VPS13D: variants seen among roughly 807,000 people sequenced by gnomAD.
The protein encoded by VPS13D is intermembrane lipid transfer protein VPS13D.
Under a neutral mutation model 461.9 loss-of-function variants are expected in VPS13D, and 187 were observed. The ratio of observed to expected loss-of-function variants is 0.40; its 90% confidence interval spans 0.36 to 0.46. The LOEUF (loss-of-function observed/expected upper bound fraction) is 0.46, where lower values mean the gene tolerates loss of function less well. Among genes scored for constraint, VPS13D ranks in the 20% least tolerant of loss-of-function variants. The pLI, the probability that VPS13D is intolerant of heterozygous loss-of-function variation, is 0.60. For synonymous variants in VPS13D, 1,951 were observed against 1,986.3 expected, an observed-to-expected ratio of 0.98 and a Z score of 0.47; for missense variants, 4,711 against 5,364.9, an observed-to-expected ratio of 0.88 and a Z score of 3.81.
In VPS13D at chr1:12,484,331, C is replaced by A. The variant is rs369992776; in HGVS notation, c.12663-13169C>A. On this transcript the variant is annotated intron_variant, in intron 67 of 69. Coordinates refer to ENST00000620676, the MANE Select transcript of VPS13D (RefSeq NM_015378.4). ...GTTGATACATGGGCTAGGTTTCCTA[C>A]AGAGTCACTTCAAGGATGTAGATCT... Among the ~76,000 whole-genome samples, 160 of 152,342 alleles carry A rather than the reference C, an allele frequency of 1.1e-3. 1 individual carries two copies. The East Asian group carries it at 0.026, about 25-fold the overall frequency.
chr1:12,402,254 C>T (rs1644591173), intron 62 of VPS13D, among the ~76,000 whole-genome samples: 1 of 152,146 alleles, frequency 6.6e-6, no homozygotes, highest in Admixed American at 6.5e-5. Context: ...GTAAGATAAG[C>T]TATTGAAAAG....
intron 2 of VPS13D, among the ~76,000 whole-genome samples, chr1:12,236,915 T>G (rs1640166233): frequency 6.6e-6 from 1 of 152,134 alleles, no homozygotes; most frequent in African/African-American, 2.4e-5. Context: ...TTCTGAGGAC[T>G]AAGAAATTAA....
rs979704198 is a variant in VPS13D at position 12,475,895 on chromosome 1, AAAAAAAC to A, written c.12662+15513_12662+15519del. ...GGCCAAGAAATCAATGTTTAAAAAA[AAAAAAAC>A]AAAAAACAAAAAAACACCTTGACAG... On this transcript the variant is annotated intron_variant, in intron 67 of 69. Coordinates refer to ENST00000620676, the MANE Select transcript of VPS13D (RefSeq NM_015378.4). Among the ~76,000 whole-genome samples, 38 of 152,336 alleles carry A rather than the reference AAAAAAAC, an allele frequency of 2.5e-4. 1 individual carries two copies. The highest frequency in any genetic ancestry group is 7.8e-4 in the Admixed American group (12 of 15,304).
chr1:12,398,808 T>C lies in VPS13D; in HGVS notation c.11635-1373T>C, dbSNP rs1284909370. Among the ~76,000 whole-genome samples, 3 of 152,242 alleles carry C rather than the reference T, an allele frequency of 2.0e-5. No individual in the cohort carries two copies. The East Asian group carries it at 5.8e-4, about 29-fold the overall frequency. On this transcript the variant is annotated intron_variant, in intron 60 of 69. Coordinates refer to ENST00000620676, the MANE Select transcript of VPS13D (RefSeq NM_015378.4). ...ATTTGGTAGCCATTTGAGCTCCTGG[T>C]TCTCTAATTTAAATTGTCTTGAAGG... is the stretch of plus-strand genomic sequence containing the variant.
At chr1:12,456,656 A>AAAAAG in intron 66 of VPS13D, among the ~76,000 whole-genome samples, 1 of 149,888 alleles carries the variant, frequency 6.7e-6, no homozygotes, top group South Asian at 2.1e-4. Flanking sequence ...AAAAAAAAAA[A>AAAAAG]AAAAGAAAAG....
In VPS13D at chr1:12,401,619, C is replaced by G. The variant is rs144680112; in HGVS notation, c.11796C>G (p.Ile3932Met). The change falls in exon 62 of 70, where the codon ATC becomes ATG. Residue 3932 changes from isoleucine (I) to methionine (M), a missense_variant. Ile to Met is a conservative substitution (Grantham distance 10, BLOSUM62 1). Around this residue, in one of 3 missense-constraint regions of VPS13D, gnomAD observed 4,411 missense variants for 4,937.8 expected, o/e 0.89. Transcript: ENST00000620676. ...ALTNIYKHLMITAQRFTVQIE... is the reference protein window; with the variant it reads ...ALTNIYKHLMMTAQRFTVQIE... ...TTCTTTATCTCTAGCATCTGATGAT[C>G]ACAGCTCAGAGATTCACAGTGCAAA... is the stretch of plus-strand genomic sequence containing the variant. The G allele has an allele frequency of 6.2e-7, 1 of 1,611,448 alleles. No homozygotes were observed. The highest frequency in any genetic ancestry group is 8.5e-7 in the Non-Finnish European group (1 of 1,177,924).
intron 54 of VPS13D, among the ~76,000 whole-genome samples, chr1:12,371,378 C>T (rs948960862): frequency 6.6e-6 from 1 of 150,816 alleles, no homozygotes; most frequent in African/African-American, 2.4e-5. Flanking sequence ...TAGCATGTGG[C>T]AATGCTTCAT....
At position 12,511,595 on chromosome 1, in the gene VPS13D, A is replaced by C. The variant is rs1472870622; in HGVS notation, c.*2571A>C. On this transcript the variant is annotated 3_prime_UTR_variant, in exon 70 of 70. Transcript: ENST00000620676. This position sits in a 1 kb window ranked among gnomAD's most constrained non-coding sequence, Gnocchi z 4.5. ...GTTCGTCTCTGAGGAAAGTAAAATA[A>C]ATGGAATAAGAGTAAATTGGGTAAG... is the stretch of plus-strand genomic sequence containing the variant. 2.0e-5 allele frequency: 3 copies of C among 152,232 alleles called. No homozygotes were observed. The allele number at this position is 152,232 out of a possible 1,614,324, so 9.4% of individuals were successfully genotyped here. A position where few individuals can be genotyped will look rare whatever the true frequency, so the allele number is the denominator to read the frequency against.
Position 12,268,479 on chromosome 1 carries a change from G to A in VPS13D, c.1802-227G>A, listed in dbSNP as rs576533992. 3.3e-5 allele frequency among the ~76,000 whole-genome samples: 5 copies of A among 152,018 alleles called. No individual in the cohort carries two copies. In the South Asian group the frequency reaches 1.0e-3, roughly 32 times the overall value. ...AACCTTGCAGGGTCTTCAGGTCCTT[G>A]GTTTCCATGATATGGGAGCTAATAC... is the stretch of plus-strand genomic sequence containing the variant. On this transcript the variant is annotated intron_variant, in intron 15 of 69. Transcript: ENST00000620676.
At position 12,267,867 on chromosome 1, in the gene VPS13D, C is replaced by G; in HGVS notation, c.1748C>G (p.Ser583Ter). ...PNPQKEVGRV[S>*]QSFGLQTTSA... ...TAGCAAAAAGAAGTTGGCAGAGTCT[C>G]ACAATCTTTTGGTCTACAAACTACA... Residue 583 changes from serine (S) to a stop codon, truncating the protein, a stop_gained, in exon 15 of 70, where the codon TCA (serine) becomes TGA (stop). Coordinates refer to ENST00000620676, the MANE Select transcript of VPS13D (RefSeq NM_015378.4). LOFTEE classifies it high-confidence loss of function. 1 of 1,614,198 alleles carries G rather than the reference C, an allele frequency of 6.2e-7. No individual in the cohort carries two copies. Among genetic ancestry groups the G allele is most frequent in the Non-Finnish European group, 8.5e-7 (1 of 1,180,022 alleles).
chr1:12,234,259 A>T lies in VPS13D; in HGVS notation c.-8A>T. 1 of 1,602,094 alleles carries T rather than the reference A, an allele frequency of 6.2e-7. No homozygotes were observed. Among genetic ancestry groups the T allele is most frequent in the Admixed American group, 1.7e-5 (1 of 59,786 alleles). ...GATTTCTAAACACCTTTTCCTGAGG[A>T]TATAGTCATGTTGGAAGGCCTTGTA... On this transcript the variant is annotated 5_prime_UTR_variant, in exon 2 of 70. Transcript: ENST00000620676.
intron 67 of VPS13D, among the ~76,000 whole-genome samples, chr1:12,484,004 AAAAAAT>A (rs1442972983): frequency 7.2e-5 from 11 of 151,738 alleles, no homozygotes; most frequent in African/African-American, 2.4e-4. Flanking sequence ...CTCAAAAAAA[AAAAAAT>A]AAAAATAAGA....
Position 12,415,137 on chromosome 1 carries a change from G to A in VPS13D, c.12081G>A (p.Val4027=), listed in dbSNP as rs1232299322. The A allele has an allele frequency of 6.2e-7, 1 of 1,614,050 alleles. No homozygotes were observed. The highest frequency in any genetic ancestry group is 8.5e-7 in the Non-Finnish European group (1 of 1,180,006). The change falls in exon 64 of 70, where the codon GTG becomes GTA. Residue 4027 remains valine (V), a synonymous_variant. Coordinates refer to ENST00000620676, the MANE Select transcript of VPS13D (RefSeq NM_015378.4). ...GFPLIRFEDA[V]INLDPFTRVH... Reference sequence around the variant, plus strand: ...CTTTGATACGGTTTGAAGACGCTGTGATTAATCTAGATCCATTCACTCGGG... The same window carrying A: ...CTTTGATACGGTTTGAAGACGCTGTAATTAATCTAGATCCATTCACTCGGG...
intron 33 of VPS13D, 74 bp downstream of exon 33, chr1:12,322,038 C>T: frequency 6.5e-7 from 1 of 1,544,842 alleles, no homozygotes; most frequent in East Asian, 2.3e-5. Context: ...CTTATTTGCT[C>T]TGAGCCCAAC....
intron 30 of VPS13D, among the ~76,000 whole-genome samples, chr1:12,315,646 G>C (rs1289599369): frequency 1.3e-5 from 2 of 152,104 alleles, no homozygotes; most frequent in Non-Finnish European, 2.9e-5. Flanking sequence ...TCAAACCTGG[G>C]TATGTGATGT....
At chr1:12,346,459 G>A in intron 43 of VPS13D, 146 bp from the exon 44 acceptor site, 1 of 706,322 alleles carries the variant, frequency 1.4e-6, no homozygotes, top group Non-Finnish European at 2.3e-6. Flanking sequence ...TCTTTAAGAG[G>A]AGATGTTTTA....
At chr1:12,293,055 C>T (rs537044259) in intron 23 of VPS13D, among the ~76,000 whole-genome samples, 63 of 152,184 alleles carry the variant, frequency 4.1e-4, no homozygotes, top group Non-Finnish European at 7.1e-4. Flanking sequence ...ACTATAGATT[C>T]CAGAACTCTT....
At chr1:12,311,979 C>T in intron 29 of VPS13D, 54 bp downstream of exon 29, 1 of 1,424,314 alleles carries the variant, frequency 7.0e-7, no homozygotes, top group Non-Finnish European at 9.7e-7. Context: ...AAATAATACA[C>T]ATGTTTTGCA....
intron 65 of VPS13D, among the ~76,000 whole-genome samples, chr1:12,445,513 A>G (rs540426538): frequency 5.3e-4 from 81 of 152,238 alleles, no homozygotes; most frequent in South Asian, 1.9e-3. Context: ...GTGAATTTTT[A>G]ATGTCCTTTC....
Sources: gnomAD v4.1 joint callset for allele counts (sites outside exome capture counted in the v4.1 genomes callset) on GRCh38, gnomAD v4.1.1 for gene constraint, gnomAD v4.1.1 regional missense constraint, Gnocchi (gnomAD v3.1) non-coding constraint, MANE v1.5 for transcripts, NCBI Gene and HGNC (gene_info 2026-07-23, HGNC 2026-07-21) for gene names.